The following CAPZB variants were observed in gnomAD, a reference collection of about 807,000 sequenced individuals.
CAPZB encodes the protein F-actin-capping protein subunit beta.
A neutral mutation model predicts 38.1 loss-of-function variants in CAPZB; 2 were observed. The ratio of observed to expected loss-of-function variants is 0.05; its 90% confidence interval spans 0.02 to 0.17. The LOEUF is 0.17. CAPZB is among the 10% of genes least tolerant of loss of function. The pLI is 1.00. For missense variants in CAPZB, 161 were observed against 334.2 expected, an observed-to-expected ratio of 0.48 and a Z score of 4.04; for synonymous variants, 107 against 127.4, an observed-to-expected ratio of 0.84 and a Z score of 1.08.
At chr1:19,439,877 G>C (rs916294744) in intron 1 of CAPZB, among the ~76,000 whole-genome samples, 3 of 152,192 alleles carry the variant, frequency 2.0e-5, no homozygotes, top group Admixed American at 6.5e-5. Context: ...CAAGTATTCT[G>C]TTTTGGTTTT....
At chr1:19,461,043 T>G (rs2094549815) in intron 1 of CAPZB, among the ~76,000 whole-genome samples, 1 of 128,318 alleles carries the variant, frequency 7.8e-6, no homozygotes, top group African/African-American at 3.0e-5. Flanking sequence ...TTCACTCAGA[T>G]GCAAGCTTCA....
chr1:19,470,010 A>C (rs1241756924), intron 1 of CAPZB, among the ~76,000 whole-genome samples: 2 of 152,154 alleles, frequency 1.3e-5, no homozygotes, highest in African/African-American at 4.8e-5. Context: ...GCTTGAGCAC[A>C]AGAGTTTGAG....
At chr1:19,379,304 G>A (rs961394268) in intron 3 of CAPZB, among the ~76,000 whole-genome samples, 31 of 151,984 alleles carry the variant, frequency 2.0e-4, no homozygotes, top group African/African-American at 7.5e-4. Context: ...TGGCCGTGTC[G>A]GCCAGGCTGG....
rs542638686 is a variant in CAPZB, at chr1:19,390,689, T to G, written c.94-5063A>C. ...CCCAGGAGGCCACTGGAAAGACGGGTGGGGAGTGGGTAAAGTGAACTAGGG... is the reference window on the plus strand; with the variant it reads ...CCCAGGAGGCCACTGGAAAGACGGGGGGGGAGTGGGTAAAGTGAACTAGGG... On this transcript the variant is annotated intron_variant, in intron 2 of 8. Coordinates refer to ENST00000264202, the MANE Select transcript of CAPZB (RefSeq NM_004930.5). 1.2e-3 allele frequency among the ~76,000 whole-genome samples: 184 copies of G among 151,654 alleles called. 1 individual carries two copies. Among genetic ancestry groups the G allele is most frequent in the African/African-American group, 4.3e-3 (179 of 41,298 alleles).
chr1:19,444,219 C>T (rs1201368829), intron 1 of CAPZB, among the ~76,000 whole-genome samples: 5 of 152,086 alleles, frequency 3.3e-5, no homozygotes, highest in Non-Finnish European at 5.9e-5. Context: ...GGAGTGTCTC[C>T]CATAGAAAGA....
chr1:19,447,229 A>T (rs1471737592), intron 1 of CAPZB, among the ~76,000 whole-genome samples: 1 of 151,320 alleles, frequency 6.6e-6, no homozygotes, highest in Non-Finnish European at 1.5e-5. Flanking sequence ...GACGAACTTA[A>T]AACTCGACAT....
At chr1:19,408,572 G>A (rs1487763491) in intron 2 of CAPZB, among the ~76,000 whole-genome samples, 1 of 152,206 alleles carries the variant, frequency 6.6e-6, no homozygotes, top group Non-Finnish European at 1.5e-5. Flanking sequence ...CAGCTCATAG[G>A]CCTGAGAGAA....
At chr1:19,350,537 T>G (rs920045835) in intron 6 of CAPZB, among the ~76,000 whole-genome samples, 3 of 152,272 alleles carry the variant, frequency 2.0e-5, no homozygotes, top group Non-Finnish European at 4.4e-5. Flanking sequence ...GGTTGCCCAG[T>G]TTAGGAAAAT....
At position 19,388,112 on chromosome 1, in the gene CAPZB, C is replaced by T. The variant is rs143361349; in HGVS notation, c.94-2486G>A. ...ACTGCTTGCAGCTAAGTCCCCTCAA[C>T]GTAGGAAAGCTCACAAGAAAATAGG... On this transcript the variant is annotated intron_variant, in intron 2 of 8. Transcript: ENST00000264202. 2.9e-4 allele frequency among the ~76,000 whole-genome samples: 44 copies of T among 152,284 alleles called. No individual in the cohort carries two copies. In the East Asian group the frequency reaches 7.9e-3, roughly 27 times the overall value.
chr1:19,457,169 C>T (rs572447555), intron 1 of CAPZB, among the ~76,000 whole-genome samples: 109 of 152,242 alleles, frequency 7.2e-4, no homozygotes, highest in African/African-American at 2.5e-3. Flanking sequence ...AGGGAGGGGC[C>T]TTGGGATTAA....
At chr1:19,351,886 C>T (rs1297166654) in intron 6 of CAPZB, among the ~76,000 whole-genome samples, 1 of 152,216 alleles carries the variant, frequency 6.6e-6, no homozygotes, top group African/African-American at 2.4e-5. Flanking sequence ...CCCTTCACAG[C>T]ACGGGATGGT....
chr1:19,362,512 G>A (rs879833822), intron 4 of CAPZB, among the ~76,000 whole-genome samples: 4 of 152,136 alleles, frequency 2.6e-5, no homozygotes, highest in Non-Finnish European at 4.4e-5. Flanking sequence ...GAGCCACCAC[G>A]TCTGGTCAAG....
At chr1:19,467,474 T>C (rs2094572732) in intron 1 of CAPZB, among the ~76,000 whole-genome samples, 1 of 152,122 alleles carries the variant, frequency 6.6e-6, no homozygotes, top group Non-Finnish European at 1.5e-5. Context: ...TACAAACTTA[T>C]CTAGCCTAAG....
chr1:19,485,038 C>T (rs556435349), intron 1 of CAPZB, among the ~76,000 whole-genome samples: 23 of 152,064 alleles, frequency 1.5e-4, no homozygotes, highest in African/African-American at 5.5e-4. Context: ...CTAGCCTGGG[C>T]CGGAGAGACG....
At chr1:19,423,648 C>T (rs1316231599) in intron 1 of CAPZB, among the ~76,000 whole-genome samples, 1 of 151,430 alleles carries the variant, frequency 6.6e-6, no homozygotes, top group Non-Finnish European at 1.5e-5. Flanking sequence ...TCTCAGCCTC[C>T]TAAGTAGCTT....
intron 2 of CAPZB, among the ~76,000 whole-genome samples, chr1:19,399,412 C>T (rs1286683566): frequency 6.6e-6 from 1 of 152,134 alleles, no homozygotes; most frequent in African/African-American, 2.4e-5. Flanking sequence ...GTGTCAGGAA[C>T]CATGGGCAGT....
chr1:19,378,665 G>A lies in CAPZB; in HGVS notation c.216-12C>T, dbSNP rs772641895. 5 of 1,420,720 alleles carry A rather than the reference G, an allele frequency of 3.5e-6. No homozygotes were observed. In the Admixed American group the frequency reaches 6.7e-5, roughly 19 times the overall value. The allele number at this position is 1,420,720 out of a possible 1,614,324, so 88.0% of individuals were successfully genotyped here. A position where few individuals can be genotyped will look rare whatever the true frequency, so the allele number is the denominator to read the frequency against. On this transcript the variant is annotated splice_polypyrimidine_tract_variant and intron_variant, in intron 3 of 8. Transcript: ENST00000264202. ...TACTCCATGGTGACCTGGAGGGAAG[G>A]AAGGAAAAGTATATACCATGAATCG...
intron 4 of CAPZB, among the ~76,000 whole-genome samples, chr1:19,378,291 A>G (rs1249354688): frequency 2.6e-5 from 4 of 152,236 alleles, no homozygotes; most frequent in Admixed American, 2.0e-4. Context: ...GAAGTCTGGT[A>G]GCATTCTATG....
chr1:19,448,439 C>T (rs1463897784), intron 1 of CAPZB, among the ~76,000 whole-genome samples: 4 of 152,198 alleles, frequency 2.6e-5, no homozygotes, highest in Non-Finnish European at 5.9e-5. Context: ...CTCTGACAAC[C>T]GCCTTAATCC....
Sources: allele counts gnomAD v4.1 joint callset (sites outside exome capture counted in the v4.1 genomes callset), GRCh38; gene constraint gnomAD v4.1.1; transcripts MANE v1.5; gene names NCBI Gene and HGNC (gene_info 2026-07-23, HGNC 2026-07-21).